Variants in PRKCH observed in about 807,000 individuals in gnomAD.
PRKCH encodes the protein protein kinase C eta.
Under a neutral mutation model 82.5 loss-of-function variants are expected in PRKCH, and 28 were observed. The ratio of observed to expected loss-of-function variants is 0.34; its 90% CI spans 0.25 to 0.47. PRKCH has a LOEUF of 0.47. PRKCH is among the 20% of genes least tolerant of loss of function. The pLI is 1.00. For missense variants in PRKCH, 705 were observed against 881.8 expected (o/e 0.80, Z 2.54); for synonymous variants, 322 against 327.4 (o/e 0.98, Z 0.18).
chr14:61,484,700 A>G (rs547091350), intron 9 of PRKCH, among the ~76,000 whole-genome samples: 2 of 151,050 alleles, frequency 1.3e-5, no homozygotes, highest in East Asian at 2.0e-4. Context: ...TCTTGACTCA[A>G]TCTTTTGAAG....
rs555488679 is a variant in PRKCH at position 61,216,969 on chromosome 14, C to A, written c.-19+29301C>A. Among the ~76,000 whole-genome samples, 5 of 152,184 alleles carry A rather than the reference C, an allele frequency of 3.3e-5. No individual in the cohort carries two copies. In the East Asian group the frequency reaches 9.7e-4, roughly 29 times the overall value. Reference sequence around the variant, plus strand: ...GTCTTTCTGGAACTCTTTCTGGAGCCCTTGATCTATACCTTAATCTGGAGG... The same window carrying A: ...GTCTTTCTGGAACTCTTTCTGGAGCACTTGATCTATACCTTAATCTGGAGG... On this transcript the variant is annotated intron_variant, in intron 1 of 3. Transcript: ENST00000555185.
chr14:61,547,714 G>T, intron 12 of PRKCH, 29 bp from the exon 13 acceptor site: 1 of 1,603,994 alleles, frequency 6.2e-7, no homozygotes. Context: ...GTGAATGAAT[G>T]ATTGACACTT....
upstream of PRKCH, among the ~76,000 whole-genome samples, chr14:61,319,141 C>T (rs1440158564): frequency 1.3e-5 from 2 of 152,182 alleles, no homozygotes; most frequent in Non-Finnish European, 2.9e-5. Flanking sequence ...AAGCTCATTT[C>T]AGCCACTCTC....
At chr14:61,423,486 A>G (rs924614360) in intron 2 of PRKCH, among the ~76,000 whole-genome samples, 14 of 152,204 alleles carry the variant, frequency 9.2e-5, no homozygotes, top group African/African-American at 3.4e-4. Context: ...AGTAAGAAAG[A>G]GCATGCCATT....
At chr14:61,393,991 G>A (rs946365425) in intron 2 of PRKCH, among the ~76,000 whole-genome samples, 5 of 152,166 alleles carry the variant, frequency 3.3e-5, no homozygotes, top group African/African-American at 1.2e-4. Context: ...CTTTTGGTGG[G>A]AGGGTTGGTC....
chr14:61,270,396 G>A (rs931743188), intron 1 of PRKCH, among the ~76,000 whole-genome samples: 2 of 152,144 alleles, frequency 1.3e-5, no homozygotes, highest in Non-Finnish European at 2.9e-5. Context: ...CTCCACGCTA[G>A]CAGTGGCCAG....
intron 10 of PRKCH, among the ~76,000 whole-genome samples, chr14:61,505,137 T>C (rs572627416): frequency 6.6e-6 from 1 of 152,306 alleles, no homozygotes; most frequent in South Asian, 2.1e-4. Flanking sequence ...ACTTCTTTCA[T>C]TGCTGAATGT....
intron 1 of PRKCH, among the ~76,000 whole-genome samples, chr14:61,316,521 A>G (rs1328813287): frequency 2.0e-5 from 3 of 152,252 alleles, no homozygotes; most frequent in African/African-American, 7.2e-5. Flanking sequence ...AGATATATCT[A>G]TATTGCAATA....
chr14:61,345,854 C>T (rs1229341795), intron 1 of PRKCH, among the ~76,000 whole-genome samples: 1 of 134,956 alleles, frequency 7.4e-6, no homozygotes, highest in Non-Finnish European at 1.6e-5. Context: ...GCCTGGACAA[C>T]ATAGCAAGAC....
chr14:61,322,257 G>A lies in PRKCH; in HGVS notation c.156G>A (p.Val52=), dbSNP rs1293241406. 6.2e-7 allele frequency: 1 copy of A among 1,613,378 alleles called. No individual in the cohort carries two copies. Among genetic ancestry groups the A allele is most frequent in the Non-Finnish European group, 8.5e-7 (1 of 1,179,886 alleles). Residue 52 remains valine (V), a synonymous_variant, in exon 1 of 14, where the codon GTG becomes GTA. Transcript: ENST00000332981. ...DPYLTVSVDQ[V]RVGQTSTKQK... is the part of the protein sequence containing the mutation. ...ATCTGACGGTGAGCGTGGACCAGGT[G>A]CGCGTGGGCCAGACCAGCACCAAGC...
intron 1 of PRKCH, chr14:61,322,773 C>A (rs79661219): frequency 6.4e-6 from 2 of 314,844 alleles, no homozygotes; most frequent in East Asian, 5.5e-5. Context: ...TAAGGAGCTC[C>A]AACTTTCAGC....
chr14:61,195,983 A>C lies in PRKCH; in HGVS notation c.-19+8315A>C, dbSNP rs190644271. Among the ~76,000 whole-genome samples the C allele has an allele frequency of 3.2e-3, 483 of 152,358 alleles. 2 individuals carry two copies. The highest frequency in any genetic ancestry group is 0.01 in the African/African-American group (423 of 41,590). On this transcript the variant is annotated intron_variant, in intron 1 of 3. Coordinates refer to the PRKCH transcript ENST00000555185. ...AGTCCTTTATAGATAGATGGGTTTT[A>C]TGAAAAAGACAGAAAAGCTATTTTT...
chr14:61,439,291 G>A (rs536567486), intron 2 of PRKCH, among the ~76,000 whole-genome samples: 1 of 152,310 alleles, frequency 6.6e-6, no homozygotes, highest in Admixed American at 6.5e-5. Flanking sequence ...CTGTAGGCAA[G>A]TGAAGAGCGT....
chr14:61,252,244 C>T (rs1170098195), intron 1 of PRKCH, among the ~76,000 whole-genome samples: 1 of 152,196 alleles, frequency 6.6e-6, no homozygotes, highest in Non-Finnish European at 1.5e-5. Context: ...CATATCAGAA[C>T]TTGGCCGTGG....
chr14:61,192,582 C>T (rs528672667), intron 1 of PRKCH, among the ~76,000 whole-genome samples: 17 of 152,124 alleles, frequency 1.1e-4, no homozygotes, highest in African/African-American at 3.1e-4. Flanking sequence ...AAAAAGGAAA[C>T]GGCTGCAGTG....
At chr14:61,534,525 T>C (rs1306726962) in intron 12 of PRKCH, among the ~76,000 whole-genome samples, 1 of 152,176 alleles carries the variant, frequency 6.6e-6, no homozygotes. Context: ...GTTGAATCCA[T>C]TGGATGGTGT....
intron 1 of PRKCH, among the ~76,000 whole-genome samples, chr14:61,357,646 CTATAGTCCT>C (rs2046168865): frequency 6.6e-6 from 1 of 152,192 alleles, no homozygotes; most frequent in Non-Finnish European, 1.5e-5. Context: ...AGTGGACACG[CTATAGTCCT>C]TATCTTTCTG....
At chr14:61,363,863 G>A (rs1458235062) in intron 1 of PRKCH, among the ~76,000 whole-genome samples, 1 of 151,504 alleles carries the variant, frequency 6.6e-6, no homozygotes, top group Non-Finnish European at 1.5e-5. Context: ...GGTAGAATCT[G>A]TGGTGTCACA....
At chr14:61,302,911 A>C (rs1566812763) in intron 1 of PRKCH, 1 of 152,198 alleles carries the variant, frequency 6.6e-6, no homozygotes, top group Non-Finnish European at 1.5e-5. Flanking sequence ...ATAGTGTTCA[A>C]ATCATTTATA....
Sources: gnomAD v4.1 joint callset for allele counts (sites outside exome capture counted in the v4.1 genomes callset) on GRCh38, gnomAD v4.1.1 for gene constraint, MANE v1.5 for transcripts, NCBI Gene and HGNC (gene_info 2026-07-23, HGNC 2026-07-21) for gene names.